ADA2: variants seen among roughly 807,000 people sequenced by gnomAD.
The protein encoded by ADA2 is adenosine deaminase CECR1.
In ADA2, 29 loss-of-function variants were observed where a neutral mutation model predicts 44.2. The ratio of observed to expected loss-of-function variants is 0.66; its 90% CI spans 0.49 to 0.89. The LOEUF is 0.89. Among genes scored for constraint, ADA2 ranks in the 40% least tolerant of loss-of-function variants. The pLI, the probability that ADA2 is intolerant of heterozygous loss-of-function variation, is 0.00. For synonymous variants in ADA2, 215 were observed against 234.9 expected (o/e 0.92, Z 0.77); for missense variants, 637 against 644.8 (o/e 0.99, Z 0.13).
At chr22:17,188,868 A>AAAAAAAAAAAAAAAAAAAAATATATATAT in intron 6 of ADA2, 3 of 81,182 alleles carry the variant, frequency 3.7e-5, no homozygotes, top group Admixed American at 2.6e-4. Context: ...AAGAGCAAAA[A>AAAAAAAAAAAAAAAAAAAAATATATATAT]ATATATATAT....
chr22:17,219,861 A>C (rs750311457), upstream of ADA2, among the ~76,000 whole-genome samples: 6 of 151,352 alleles, frequency 4.0e-5, no homozygotes, highest in Non-Finnish European at 7.4e-5. Context: ...TTTTTAGTAG[A>C]AATGGGGTTT....
At chr22:17,206,986 T>C (rs2062359440) in intron 3 of ADA2, 85 bp downstream of exon 3, 1 of 1,004,472 alleles carries the variant, frequency 1.0e-6, no homozygotes, top group African/African-American at 1.6e-5. Flanking sequence ...CAGATTTTTA[T>C]CTATAGGTTT....
chr22:17,209,917 G>A (rs1601462872), intron 1 of ADA2, 194 bp from the exon 2 acceptor site: 2 of 481,282 alleles, frequency 4.2e-6, no homozygotes, highest in Non-Finnish European at 7.3e-6. Flanking sequence ...TTGAGACGGA[G>A]TCTCGCTCTG....
chr22:17,215,490 C>T (rs1232381877), intron 1 of ADA2, among the ~76,000 whole-genome samples: 2 of 151,798 alleles, frequency 1.3e-5, no homozygotes, highest in Admixed American at 6.6e-5. Flanking sequence ...CCTGTAATCC[C>T]AGCTACTCAG....
chr22:17,207,158 G>C lies in ADA2; in HGVS notation c.455C>G (p.Thr152Ser), dbSNP rs1165047793. 6.2e-7 allele frequency: 1 copy of C among 1,614,128 alleles called. No individual in the cohort carries two copies. The highest frequency in any genetic ancestry group is 1.3e-5 in the African/African-American group (1 of 74,952). Residue 152 changes from threonine (T) to serine (S), a missense_variant, in exon 3 of 10, where the codon ACT (threonine) becomes AGT (serine). Coordinates refer to ENST00000399837, the MANE Select transcript of ADA2 (RefSeq NM_001282225.2). ...GIMQFRFAHP[T>S]PRPSEKCSKW... ...GGAACATTTTTCTGATGGACGGGGA[G>C]TTGGGTGAGCAAATCTGAACTGCAT... is the stretch of plus-strand genomic sequence containing the variant.
At chr22:17,210,034 G>T (rs1182815433) in intron 1 of ADA2, 5 of 222,578 alleles carry the variant, frequency 2.2e-5, no homozygotes, top group Non-Finnish European at 3.5e-5. Context: ...GGGACTACAG[G>T]TGCCCGCCAC....
In ADA2 at chr22:17,181,563, A is replaced by G. The variant is rs571696504; in HGVS notation, c.1456T>C (p.Leu486=). Residue 486 remains leucine (L), a synonymous_variant, in exon 10 of 10, where the codon TTG becomes CTG. Transcript: ENST00000399837. ...AMNSIKYSTL[L]ESEKNTFMEI... is the part of the protein sequence containing the mutation. ...ATGAAAGTATTTTTCTCACTCTCCA[A>G]CAGGGTACTGTACCTGCAGGAAGAG... 6.2e-7 allele frequency: 1 copy of G among 1,609,888 alleles called. No homozygotes were observed. Among genetic ancestry groups the G allele is most frequent in the East Asian group, 2.2e-5 (1 of 44,872 alleles).
rs569204382 is a variant in ADA2 at position 17,198,053 on chromosome 22, C to CA, written c.753+5509dup. On this transcript the variant is annotated intron_variant, in intron 4 of 9. Transcript: ENST00000399837. The stretch of plus-strand genomic sequence containing the variant: ...AACTCCGTCTCAAAAAAAAAAAAAA[C>CA]AAAAAAATTGAGAAACTCAGTACCC... Among the ~76,000 whole-genome samples, 68 of 147,782 alleles carry CA rather than the reference C, an allele frequency of 4.6e-4. No individual in the cohort carries two copies. In the South Asian group the frequency reaches 0.014, roughly 30 times the overall value.
At chr22:17,185,576 T>C (rs2062027073) in intron 7 of ADA2, among the ~76,000 whole-genome samples, 1 of 152,170 alleles carries the variant, frequency 6.6e-6, no homozygotes, top group African/African-American at 2.4e-5. Flanking sequence ...GCCAGAATTA[T>C]TTCACACACA....
At chr22:17,189,487 A>G (rs2062087471) in intron 6 of ADA2, among the ~76,000 whole-genome samples, 1 of 152,116 alleles carries the variant, frequency 6.6e-6, no homozygotes, top group Non-Finnish European at 1.5e-5. Context: ...GAGGATTTGC[A>G]AAGGCCTGGC....
intron 1 of ADA2, chr22:17,213,964 G>A (rs1342882983): frequency 4.7e-5 from 16 of 342,488 alleles, no homozygotes; most frequent in African/African-American, 6.6e-5. Context: ...GCTTGAACCC[G>A]GTAGGGAGAG....
chr22:17,212,960 T>TTTTA (rs1568991019), intron 1 of ADA2, among the ~76,000 whole-genome samples: 1 of 150,612 alleles, frequency 6.6e-6, no homozygotes, highest in Non-Finnish European at 1.5e-5. Context: ...CAGCTAATTT[T>TTTTA]TTTTTTTTCT....
intron 4 of ADA2, among the ~76,000 whole-genome samples, chr22:17,197,472 T>G (rs1222489824): frequency 6.6e-6 from 1 of 152,020 alleles, no homozygotes; most frequent in Non-Finnish European, 1.5e-5. Flanking sequence ...GGTTTTGCCA[T>G]GTTGCCTAGG....
At chr22:17,181,706 A>G (rs1460417309) in intron 9 of ADA2, 114 bp downstream of exon 9, 2 of 1,090,474 alleles carry the variant, frequency 1.8e-6, no homozygotes, top group Non-Finnish European at 1.4e-6. Flanking sequence ...AACAGCCATG[A>G]TGAGAAGGAA....
intron 4 of ADA2, among the ~76,000 whole-genome samples, chr22:17,201,020 G>A (rs967162490): frequency 6.6e-5 from 10 of 152,096 alleles, no homozygotes; most frequent in Admixed American, 5.9e-4. Context: ...GACTAACCTG[G>A]CCAACATGGT....
At chr22:17,196,235 C>A in intron 4 of ADA2, among the ~76,000 whole-genome samples, 1 of 149,940 alleles carries the variant, frequency 6.7e-6, no homozygotes, top group African/African-American at 2.4e-5. Context: ...GCAGGAGAAT[C>A]ACTTGAACCC....
chr22:17,207,355 G>A (rs1375940037), intron 2 of ADA2, 65 bp from the exon 3 acceptor site: 1 of 1,222,666 alleles, frequency 8.2e-7, no homozygotes, highest in African/African-American at 1.5e-5. Flanking sequence ...TCCAGGGCTT[G>A]GGGACAAAGG....
At chr22:17,216,797 TAGAG>T (rs55765618) in intron 1 of ADA2, among the ~76,000 whole-genome samples, 1 of 147,170 alleles carries the variant, frequency 6.8e-6, no homozygotes, top group African/African-American at 2.5e-5. Flanking sequence ...CACATATATA[TAGAG>T]AGAGAGACTC....
chr22:17,182,148 G>GAGAT, intron 8 of ADA2, 126 bp from the exon 9 acceptor site: 3 of 730,698 alleles, frequency 4.1e-6, no homozygotes, highest in Non-Finnish European at 4.5e-6. Flanking sequence ...CCAGTATGGG[G>GAGAT]ATGACTTCTG....
Sources: gnomAD v4.1 joint callset for allele counts (sites outside exome capture counted in the v4.1 genomes callset) on GRCh38, gnomAD v4.1.1 for gene constraint, MANE v1.5 for transcripts, NCBI Gene and HGNC (gene_info 2026-07-23, HGNC 2026-07-21) for gene names.